GTF2I: variants seen among roughly 807,000 people sequenced by gnomAD.
The protein encoded by GTF2I is general transcription factor IIi, also known as general transcription factor II-I.
In GTF2I, 12 loss-of-function variants were observed where a neutral mutation model predicts 67.6. The observed-to-expected ratio is 0.18, with a 90% confidence interval of 0.11 to 0.29. The LOEUF (loss-of-function observed/expected upper bound fraction) is 0.29, where lower values mean the gene tolerates loss of function less well. Among genes scored for constraint, GTF2I ranks in the 10% least tolerant of loss-of-function variants. The probability of loss-of-function intolerance (pLI) is 1.00; values close to 1 mark genes in which losing one functional copy is unlikely to be tolerated. For synonymous variants in GTF2I, 149 were observed against 197.0 expected, an observed-to-expected ratio of 0.76 and a Z score of 2.04; for missense variants, 271 against 580.1, an observed-to-expected ratio of 0.47 and a Z score of 5.47.
intron 1 of GTF2I, among the ~76,000 whole-genome samples, chr7:74,679,993 C>G (rs146016631): frequency 1.4e-5 from 2 of 144,754 alleles, no homozygotes; most frequent in Non-Finnish European, 3.0e-5. Context: ...GCAGGAGAAT[C>G]GCTTGAACCC....
At chr7:74,681,784 C>T (rs1051114167) in intron 1 of GTF2I, among the ~76,000 whole-genome samples, 3 of 152,144 alleles carry the variant, frequency 2.0e-5, no homozygotes, top group South Asian at 4.1e-4. Context: ...TGGTGGTGCA[C>T]GCCTGTAATC....
chr7:74,710,763 C>T (rs892672585), intron 8 of GTF2I, among the ~76,000 whole-genome samples: 9 of 152,050 alleles, frequency 5.9e-5, no homozygotes, highest in African/African-American at 2.2e-4. Context: ...GTAAAATTTT[C>T]TTTGATTCTA....
chr7:74,670,704 A>C (rs587634378), intron 1 of GTF2I, among the ~76,000 whole-genome samples: 59 of 151,600 alleles, frequency 3.9e-4, no homozygotes, highest in African/African-American at 7.2e-4. Context: ...AAAAACAAAA[A>C]AAAAACAAAA....
intron 8 of GTF2I, among the ~76,000 whole-genome samples, chr7:74,706,971 T>C (rs1282620661): frequency 6.6e-6 from 1 of 152,228 alleles, no homozygotes; most frequent in Non-Finnish European, 1.5e-5. Flanking sequence ...CACCTCAGCC[T>C]CCCGAGTAGC....
intron 12 of GTF2I, chr7:74,728,150 A>C (rs1249572899): frequency 6.6e-6 from 1 of 151,826 alleles, no homozygotes; most frequent in East Asian, 1.9e-4. Context: ...AAAAATACAA[A>C]AATTAGCCGG....
intron 8 of GTF2I, among the ~76,000 whole-genome samples, chr7:74,708,458 T>TTGGCTGGTGCTGG (rs1791074502): frequency 6.6e-6 from 1 of 152,126 alleles, no homozygotes; most frequent in African/African-American, 2.4e-5. Context: ...GGGGTAGTGT[T>TTGGCTGGTGCTGG]TGGCTGGTGC....
chr7:74,661,584 G>A (rs1554386587), intron 1 of GTF2I, among the ~76,000 whole-genome samples: 3 of 152,112 alleles, frequency 2.0e-5, no homozygotes, highest in African/African-American at 7.2e-5. Flanking sequence ...GGAGGCTGAG[G>A]CAGGGGGATC....
intron 1 of GTF2I, among the ~76,000 whole-genome samples, chr7:74,663,769 C>T (rs958108996): frequency 2.6e-5 from 4 of 152,260 alleles, no homozygotes; most frequent in African/African-American, 9.6e-5. Context: ...GGCTACCTAC[C>T]TGGGGGAGCA....
intron 8 of GTF2I, 22 bp from the exon 9 acceptor site, chr7:74,711,010 A>T (rs988353640): frequency 7.6e-7 from 1 of 1,309,004 alleles, no homozygotes; most frequent in Non-Finnish European, 1.1e-6. Flanking sequence ...ATGCAATCAT[A>T]TCATTGCATT....
chr7:74,675,015 G>T (rs1327708136), intron 1 of GTF2I, among the ~76,000 whole-genome samples: 1 of 151,184 alleles, frequency 6.6e-6, no homozygotes, highest in South Asian at 2.1e-4. Context: ...ACCACACCCA[G>T]CCAATTTTTG....
intron 1 of GTF2I, chr7:74,687,530 G>GT: frequency 1.0e-6 from 1 of 984,382 alleles, no homozygotes; most frequent in Non-Finnish European, 1.2e-6. Flanking sequence ...GTGGATTATG[G>GT]TTTTTATTAT....
rs782809310 is a variant in GTF2I, at chr7:74,716,632, T to C, written c.824-262T>C. On this transcript the variant is annotated intron_variant, in intron 10 of 34. Coordinates refer to ENST00000573035, the MANE Select transcript of GTF2I (RefSeq NM_032999.4). ...ATCTAGTAATTTTATCATGTAGTTA[T>C]AGTAACTAATATTAAATCCCCAAAC... 1.7e-5 allele frequency: 6 copies of C among 343,804 alleles called. No homozygotes were observed. The East Asian group carries it at 2.9e-4, about 17-fold the overall frequency. 21.3% of individuals were successfully genotyped at this position (343,804 alleles called of 1,614,324 possible).
chr7:74,680,114 A>ATATATATATATATATATATATGTATG (rs1339021361), intron 1 of GTF2I, among the ~76,000 whole-genome samples: 1 of 121,508 alleles, frequency 8.2e-6, no homozygotes, highest in Non-Finnish European at 1.6e-5. Context: ...ATATATATAT[A>ATATATATATATATATATATATGTATG]TATGTATGTA....
intron 11 of GTF2I, among the ~76,000 whole-genome samples, chr7:74,718,322 T>C (rs1792519000): frequency 1.3e-5 from 2 of 152,260 alleles, no homozygotes; most frequent in South Asian, 4.1e-4. Flanking sequence ...CACTCTGATG[T>C]ACATTTGTCT....
intron 1 of GTF2I, among the ~76,000 whole-genome samples, chr7:74,659,212 C>T (rs1804246166): frequency 6.6e-6 from 1 of 151,956 alleles, no homozygotes. Context: ...TGTGAGCCAT[C>T]GCTTTCGGCT....
chr7:74,689,094 A>G, intron 1 of GTF2I, 30 bp from the exon 2 acceptor site: 1 of 1,313,558 alleles, frequency 7.6e-7, no homozygotes, highest in Non-Finnish European at 1.1e-6. Context: ...GATTTCTACC[A>G]CTCACTTTCT....
intron 6 of GTF2I, 45 bp downstream of exon 6, chr7:74,700,679 T>G: frequency 1.3e-6 from 2 of 1,568,924 alleles, no homozygotes; most frequent in Non-Finnish European, 1.8e-6. Flanking sequence ...GGCCTCCGTT[T>G]TGCTAGATTT....
At chr7:74,727,917 A>G (rs1388006914) in intron 12 of GTF2I, 1 of 152,208 alleles carries the variant, frequency 6.6e-6, no homozygotes, top group Non-Finnish European at 1.5e-5. Context: ...TCCTTTATAC[A>G]CAGCCTCTGT....
intron 1 of GTF2I, among the ~76,000 whole-genome samples, chr7:74,680,139 C>CATAT (rs1298932424): frequency 8.1e-6 from 1 of 123,828 alleles, no homozygotes; most frequent in African/African-American, 3.0e-5. Context: ...TGTATATACA[C>CATAT]ATATATATAT....
Sources: allele counts gnomAD v4.1 joint callset (sites outside exome capture counted in the v4.1 genomes callset), GRCh38; gene constraint gnomAD v4.1.1; transcripts MANE v1.5; gene names NCBI Gene and HGNC (gene_info 2026-07-23, HGNC 2026-07-21).